CTPS1: variants seen among roughly 807,000 people sequenced by gnomAD.
CTPS1 encodes CTP synthetase 1.
A neutral mutation model predicts 80.5 loss-of-function variants in CTPS1; 25 were observed. The observed-to-expected ratio is 0.31, with a 90% CI of 0.23 to 0.43. The LOEUF (loss-of-function observed/expected upper bound fraction) is 0.43, where lower values mean the gene tolerates loss of function less well. Among genes scored for constraint, CTPS1 ranks in the 20% least tolerant of loss-of-function variants. The pLI, the probability that CTPS1 is intolerant of heterozygous loss-of-function variation, is 1.00. For synonymous variants in CTPS1, 267 were observed against 252.5 expected (o/e 1.06, Z -0.54); for missense variants, 442 against 725.7 (o/e 0.61, Z 4.49).
At chr1:41,006,155 C>T (rs567150103) in intron 13 of CTPS1, 61 bp downstream of exon 13, 142 of 1,356,842 alleles carry the variant, frequency 1.0e-4, no homozygotes, top group Admixed American at 1.6e-4. Flanking sequence ...CATTTATGAA[C>T]GTGATTGATG....
chr1:41,000,106 T>G (rs1210934473), intron 9 of CTPS1, among the ~76,000 whole-genome samples: 1 of 152,266 alleles, frequency 6.6e-6, no homozygotes, highest in Non-Finnish European at 1.5e-5. Context: ...TTTGGCTCCA[T>G]TTATATGATG....
In CTPS1 at chr1:41,007,463, A is replaced by G. The variant is rs781599785; in HGVS notation, c.1311A>G (p.Pro437=). 3.7e-6 allele frequency: 6 copies of G among 1,614,118 alleles called. No homozygotes were observed. Among genetic ancestry groups the G allele is most frequent in the South Asian group, 1.1e-5 (1 of 91,086 alleles). Residue 437 remains proline, a synonymous_variant, in exon 14 of 19, where the codon CCA becomes CCG. Coordinates refer to ENST00000650070, the MANE Select transcript of CTPS1 (RefSeq NM_001905.4). The surrounding 1 kb of genome is among the most constrained non-coding windows in gnomAD (Gnocchi z 4.4). ...AACATCTCCAGGTCGTAGACATGCC[A>G]GAACACAACCCAGGGCAGATGGGCG... The part of the protein sequence containing the change: ...TTSHPVVVDM[P]EHNPGQMGGT...
At chr1:40,991,384 G>C in intron 6 of CTPS1, 136 bp downstream of exon 6, 1 of 669,492 alleles carries the variant, frequency 1.5e-6, no homozygotes, top group East Asian at 2.9e-5. Flanking sequence ...TTAGTTCTTT[G>C]AACCGGGCTG....
intron 2 of CTPS1, among the ~76,000 whole-genome samples, 174 bp downstream of exon 2, chr1:40,983,630 T>C (rs72663731): frequency 0.12 from 17,907 of 151,628 alleles, 1,166 homozygotes; most frequent in South Asian, 0.19. Flanking sequence ...TTTTTTTTTT[T>C]TTTTTTCTTT....
intron 18 of CTPS1, 46 bp downstream of exon 18, chr1:41,010,300 C>G (rs1018688272): frequency 3.8e-6 from 5 of 1,331,352 alleles, no homozygotes; most frequent in Non-Finnish European, 5.4e-6. Flanking sequence ...ATGGTGATAA[C>G]ACACTGCGAT....
At chr1:41,003,866 A>T (rs571426861) in intron 12 of CTPS1, 1 of 152,378 alleles carries the variant, frequency 6.6e-6, no homozygotes, top group South Asian at 2.1e-4. Flanking sequence ...ACTATCTGAG[A>T]TGGCACACTC....
rs1484961348 is a variant in CTPS1, at chr1:40,995,986, G to T, written c.790G>T (p.Asp264Tyr). 20 of 1,614,074 alleles carry T rather than the reference G, an allele frequency of 1.2e-5. No homozygotes were observed. Among genetic ancestry groups the T allele is most frequent in the Non-Finnish European group, 1.6e-5 (19 of 1,180,028 alleles). Residue 264 changes from aspartate (D) to tyrosine (Y), a missense_variant, in exon 8 of 19, where the codon GAT becomes TAT. Around this residue, in one of 4 missense-constraint regions of CTPS1, gnomAD observed 321 missense variants for 467.2 expected, o/e 0.69. Transcript: ENST00000650070. ...PLLLEEQGVV[D>Y]YFLRRLDLPI... The stretch of plus-strand genomic sequence containing the variant: ...GTTGTTAGAGGAGCAAGGGGTTGTA[G>T]ATTATTTTCTTCGAAGACTTGACCT...
intron 3 of CTPS1, 41 bp downstream of exon 3, chr1:40,985,032 A>G (rs1184921572): frequency 1.8e-5 from 25 of 1,418,974 alleles, no homozygotes; most frequent in Non-Finnish European, 2.3e-5. Flanking sequence ...AGTCTTAACC[A>G]GTTTAATTTC....
Position 41,007,258 on chromosome 1 carries a change from C to T in CTPS1, c.1297-191C>T, listed in dbSNP as rs1247581576. The stretch of plus-strand genomic sequence containing the variant: ...CAGATCAGGAGGACAGGCTGAAGGA[C>T]GGAGCCTCCACCCAACCGAGGTTAC... On this transcript the variant is annotated intron_variant, in intron 13 of 18. Coordinates refer to ENST00000650070, the MANE Select transcript of CTPS1 (RefSeq NM_001905.4). This position sits in a 1 kb window ranked among gnomAD's most constrained non-coding sequence, Gnocchi z 4.4. 1.3e-5 allele frequency among the ~76,000 whole-genome samples: 2 copies of T among 152,184 alleles called. No homozygotes were observed. Among genetic ancestry groups the T allele is most frequent in the African/African-American group, 2.4e-5 (1 of 41,450 alleles).
At position 40,991,242 on chromosome 1, in the gene CTPS1, A is replaced by G. The variant is rs142312983; in HGVS notation, c.633A>G (p.Pro211=). ...AACTTAGAGGACTTGGGCTTTCCCC[A>G]GATCTGGTAAGATTTCCTGATAGCT... ...VRELRGLGLS[P]DLVVCRCSNP... The change falls in exon 6 of 19, where the codon CCA becomes CCG. Residue 211 remains proline, a synonymous_variant. Coordinates refer to ENST00000650070, the MANE Select transcript of CTPS1 (RefSeq NM_001905.4). The G allele has an allele frequency of 4.4e-6, 7 of 1,581,804 alleles. No individual in the cohort carries two copies. Among genetic ancestry groups the G allele is most frequent in the South Asian group, 1.2e-5 (1 of 84,530 alleles).
At chr1:40,994,830 C>T (rs1428057538) in intron 7 of CTPS1, among the ~76,000 whole-genome samples, 1 of 152,106 alleles carries the variant, frequency 6.6e-6, no homozygotes, top group Non-Finnish European at 1.5e-5. Flanking sequence ...CCAAATTTTC[C>T]CTAATCTTAA....
chr1:40,982,039 C>T (rs1377957676), intron 1 of CTPS1: 2 of 1,285,448 alleles, frequency 1.6e-6, no homozygotes, highest in African/African-American at 1.5e-5. Flanking sequence ...TCATTTTGGT[C>T]ACATTTGGGT....
chr1:41,008,964 G>A (rs1338321356), intron 16 of CTPS1, 74 bp downstream of exon 16: 2 of 1,191,334 alleles, frequency 1.7e-6, no homozygotes. Context: ...ATATAAAAAT[G>A]TTATCTTGTT....
chr1:41,003,277 AG>A, intron 12 of CTPS1, 101 bp downstream of exon 12: 1 of 1,319,620 alleles, frequency 7.6e-7, no homozygotes, highest in Non-Finnish European at 1.1e-6. Flanking sequence ...GGAGAAGGGC[AG>A]GCCTGGGTTC....
chr1:41,010,475 G>A (rs950726073), intron 18 of CTPS1, among the ~76,000 whole-genome samples: 3 of 152,200 alleles, frequency 2.0e-5, no homozygotes, highest in African/African-American at 4.8e-5. Context: ...GCACCTCCCA[G>A]TCCTGCCCTG....
chr1:40,992,499 T>C (rs934627168), intron 7 of CTPS1, among the ~76,000 whole-genome samples: 4 of 152,166 alleles, frequency 2.6e-5, no homozygotes, highest in African/African-American at 9.7e-5. Context: ...TTTGTTACTG[T>C]ACCTATGATG....
chr1:40,985,406 T>C (rs1000611578), intron 3 of CTPS1, among the ~76,000 whole-genome samples: 2 of 152,238 alleles, frequency 1.3e-5, no homozygotes, highest in African/African-American at 4.8e-5. Flanking sequence ...TTGTGTATAC[T>C]GGTTTCCAGG....
intron 3 of CTPS1, among the ~76,000 whole-genome samples, chr1:40,986,492 T>C (rs1642457090): frequency 6.6e-6 from 1 of 152,230 alleles, no homozygotes; most frequent in South Asian, 2.1e-4. Flanking sequence ...ACCGAAAAGT[T>C]GAAGTGTGGG....
intron 7 of CTPS1, among the ~76,000 whole-genome samples, chr1:40,992,296 G>T (rs1190244365): frequency 6.6e-6 from 1 of 152,120 alleles, no homozygotes; most frequent in African/African-American, 2.4e-5. Context: ...TCCTTCACTG[G>T]GCTCCTGTGT....
Sources: gnomAD v4.1 joint callset for allele counts (sites outside exome capture counted in the v4.1 genomes callset) on GRCh38, gnomAD v4.1.1 for gene constraint, gnomAD v4.1.1 regional missense constraint, Gnocchi (gnomAD v3.1) non-coding constraint, MANE v1.5 for transcripts, NCBI Gene and HGNC (gene_info 2026-07-23, HGNC 2026-07-21) for gene names.